Variants in ZNF804B observed in about 807,000 individuals in gnomAD.
ZNF804B encodes zinc finger 804B.
In ZNF804B, 80 loss-of-function variants were observed where a neutral mutation model predicts 101.4. That is an observed-to-expected ratio of 0.79 (90% CI 0.66 to 0.95). The LOEUF (loss-of-function observed/expected upper bound fraction) is 0.95. Ranked by LOEUF, ZNF804B falls within the 40% of genes least tolerant of loss-of-function variation. The pLI is 0.00. For synonymous variants in ZNF804B, 622 were observed against 558.8 expected, an observed-to-expected ratio of 1.11 and a Z score of -1.59; for missense variants, 1,673 against 1,561.9, an observed-to-expected ratio of 1.07 and a Z score of -1.20.
intron 2 of ZNF804B, among the ~76,000 whole-genome samples, chr7:89,218,839 G>A (rs1434662964): frequency 6.6e-6 from 1 of 152,084 alleles, no homozygotes; most frequent in East Asian, 1.9e-4. Flanking sequence ...TTAAGTGGAA[G>A]TGGATCATCA....
At chr7:89,152,246 G>T (rs1414195446) in intron 1 of ZNF804B, among the ~76,000 whole-genome samples, 8 of 130,644 alleles carry the variant, frequency 6.1e-5, no homozygotes, top group East Asian at 4.3e-4. Flanking sequence ...CTACTGCATG[G>T]TTTTTTCTTT....
At chr7:88,840,914 G>C (rs1303567017) in intron 1 of ZNF804B, among the ~76,000 whole-genome samples, 1 of 152,006 alleles carries the variant, frequency 6.6e-6, no homozygotes, top group Admixed American at 6.6e-5. Flanking sequence ...AATTTGGAAG[G>C]GTTATACATC....
At chr7:88,933,310 A>G (rs367739105) in intron 1 of ZNF804B, among the ~76,000 whole-genome samples, 1 of 151,732 alleles carries the variant, frequency 6.6e-6, no homozygotes. Context: ...GTAATAAAAG[A>G]CATATATGAC....
At chr7:89,139,390 T>A (rs535797583) in intron 1 of ZNF804B, among the ~76,000 whole-genome samples, 42 of 152,204 alleles carry the variant, frequency 2.8e-4, no homozygotes, top group Non-Finnish European at 5.3e-4. Context: ...ACAATGATGA[T>A]CTTTGTCACA....
At chr7:89,073,262 G>A (rs1789568693) in intron 1 of ZNF804B, among the ~76,000 whole-genome samples, 1 of 152,072 alleles carries the variant, frequency 6.6e-6, no homozygotes, top group Non-Finnish European at 1.5e-5. Context: ...TATTAATACA[G>A]ATTGGAAAAT....
intron 2 of ZNF804B, among the ~76,000 whole-genome samples, chr7:89,303,068 C>A (rs1242237566): frequency 6.6e-6 from 1 of 151,828 alleles, no homozygotes; most frequent in Non-Finnish European, 1.5e-5. Flanking sequence ...TAGTAAGTAT[C>A]AAAACTGGCT....
chr7:89,147,035 C>CA (rs1048045715), intron 1 of ZNF804B, among the ~76,000 whole-genome samples: 4 of 145,562 alleles, frequency 2.7e-5, no homozygotes, highest in Admixed American at 6.8e-5. Context: ...AAAAAACAAA[C>CA]AAAAAAACCC....
At chr7:89,285,532 A>G (rs975551476) in intron 2 of ZNF804B, among the ~76,000 whole-genome samples, 2 of 131,862 alleles carry the variant, frequency 1.5e-5, no homozygotes, top group South Asian at 2.5e-4. Flanking sequence ...CAAAAAAAAA[A>G]AAAAAAAAAA....
intron 1 of ZNF804B, among the ~76,000 whole-genome samples, chr7:88,879,828 CAGAAGTT>C (rs1280753680): frequency 6.6e-6 from 1 of 152,068 alleles, no homozygotes; most frequent in African/African-American, 2.4e-5. Flanking sequence ...TGCTTGAGCT[CAGAAGTT>C]AGAGACCAGC....
chr7:89,067,603 A>G (rs1469489965), intron 1 of ZNF804B, among the ~76,000 whole-genome samples: 1 of 152,096 alleles, frequency 6.6e-6, no homozygotes, highest in Non-Finnish European at 1.5e-5. Flanking sequence ...TGGAACAGTG[A>G]GAGTTGGAAG....
intron 1 of ZNF804B, among the ~76,000 whole-genome samples, chr7:88,842,939 A>T (rs1323159277): frequency 2.0e-5 from 3 of 152,194 alleles, no homozygotes; most frequent in Admixed American, 1.3e-4. Flanking sequence ...TACAGAAAAT[A>T]CATCTCTAAT....
intron 1 of ZNF804B, among the ~76,000 whole-genome samples, chr7:89,178,111 T>C (rs1310761848): frequency 1.3e-5 from 2 of 152,148 alleles, no homozygotes; most frequent in Non-Finnish European, 2.9e-5. Flanking sequence ...GTGGCTTCTA[T>C]TTGCATGAAG....
At chr7:89,017,305 T>A (rs984862171) in intron 1 of ZNF804B, among the ~76,000 whole-genome samples, 1 of 152,210 alleles carries the variant, frequency 6.6e-6, no homozygotes, top group Non-Finnish European at 1.5e-5. Context: ...GACTTCCTCT[T>A]TTCCTAATTG....
intron 1 of ZNF804B, among the ~76,000 whole-genome samples, chr7:89,143,570 A>G (rs1452805592): frequency 1.3e-5 from 2 of 151,932 alleles, no homozygotes; most frequent in East Asian, 3.9e-4. Flanking sequence ...CTATTTGTAA[A>G]GTGCTTATTT....
chr7:88,910,333 AC>A (rs1792529710), intron 1 of ZNF804B, among the ~76,000 whole-genome samples: 1 of 151,888 alleles, frequency 6.6e-6, no homozygotes, highest in Non-Finnish European at 1.5e-5. Flanking sequence ...CCTGAAGCAA[AC>A]GTCTCCCAAT....
chr7:89,267,926 T>C (rs1288329171), intron 2 of ZNF804B, among the ~76,000 whole-genome samples: 1 of 152,090 alleles, frequency 6.6e-6, no homozygotes, highest in African/African-American at 2.4e-5. Context: ...AAAATACAGA[T>C]TGCACTTTAG....
chr7:89,159,355 GT>G (rs1195661729), intron 1 of ZNF804B, among the ~76,000 whole-genome samples: 1 of 152,088 alleles, frequency 6.6e-6, no homozygotes, highest in Non-Finnish European at 1.5e-5. Context: ...CCCTGTTAAA[GT>G]GAATTGAGCA....
intron 1 of ZNF804B, among the ~76,000 whole-genome samples, chr7:89,091,943 C>G (rs749645483): frequency 1.3e-5 from 2 of 152,072 alleles, no homozygotes; most frequent in African/African-American, 2.4e-5. Context: ...TTTATATTTA[C>G]TTATATATTC....
At chr7:88,978,274 T>A (rs1793645173) in intron 1 of ZNF804B, among the ~76,000 whole-genome samples, 1 of 151,828 alleles carries the variant, frequency 6.6e-6, no homozygotes, top group Non-Finnish European at 1.5e-5. Flanking sequence ...TGAGTTTTCT[T>A]TGTTGATTTT....
Sources: gnomAD v4.1 joint callset for allele counts (sites outside exome capture counted in the v4.1 genomes callset) on GRCh38, gnomAD v4.1.1 for gene constraint, MANE v1.5 for transcripts, NCBI Gene and HGNC (gene_info 2026-07-23, HGNC 2026-07-21) for gene names.